CFAP20DC: variants seen among roughly 807,000 people sequenced by gnomAD.
CFAP20DC encodes CFAP20 domain containing, also known as protein CFAP20DC.
CFAP20DC carries 84 observed loss-of-function variants against 101.7 expected under a neutral mutation model. That is an observed-to-expected ratio of 0.83 (90% CI 0.69 to 0.99). CFAP20DC has a LOEUF of 0.99. Ranked by LOEUF, CFAP20DC falls within the 50% of genes least tolerant of loss-of-function variation. The pLI is 0.00. For synonymous variants in CFAP20DC, 359 were observed against 351.2 expected (o/e 1.02, Z -0.25); for missense variants, 1,007 against 970.3 (o/e 1.04, Z -0.50).
intron 4 of CFAP20DC, among the ~76,000 whole-genome samples, chr3:58,952,237 T>G (rs1032734775): frequency 6.6e-6 from 1 of 152,182 alleles, no homozygotes; most frequent in Admixed American, 6.6e-5. Context: ...TGGTTTCAGT[T>G]ACTCAGGATC....
At chr3:58,746,886 T>C (rs2068242427) in intron 16 of CFAP20DC, among the ~76,000 whole-genome samples, 1 of 152,280 alleles carries the variant, frequency 6.6e-6, no homozygotes, top group South Asian at 2.1e-4. Flanking sequence ...ATTTTGCCAT[T>C]ATAATCCCTA....
At position 58,869,261 on chromosome 3, in the gene CFAP20DC, T is replaced by C; in HGVS notation, c.1015+67A>G. On this transcript the variant is annotated intron_variant, in intron 9 of 16. Transcript: ENST00000482387. This position sits in a 1 kb window ranked among gnomAD's most constrained non-coding sequence, Gnocchi z 4.3. ...CTAGACTTGAATATAACTGCTGATT[T>C]ATCTTAACAAGAACATTTCTCACTA... 7.7e-7 allele frequency: 1 copy of C among 1,291,794 alleles called. No homozygotes were observed. The highest frequency in any genetic ancestry group is 1.1e-6 in the Non-Finnish European group (1 of 936,362). The allele number at this position is 1,291,794 out of a possible 1,614,324, so 80.0% of individuals were successfully genotyped here.
chr3:58,757,377 C>T (rs1283665029), intron 15 of CFAP20DC, among the ~76,000 whole-genome samples: 1 of 151,794 alleles, frequency 6.6e-6, no homozygotes, highest in Non-Finnish European at 1.5e-5. Context: ...TACATACATA[C>T]ACACACACAC....
chr3:59,038,501 T>C (rs1035676667), intron 4 of CFAP20DC, among the ~76,000 whole-genome samples: 4 of 152,222 alleles, frequency 2.6e-5, no homozygotes, highest in African/African-American at 9.6e-5. Flanking sequence ...TTGCAGATAT[T>C]ATGTTTGTTA....
At chr3:58,956,911 G>A (rs951003789) in intron 4 of CFAP20DC, among the ~76,000 whole-genome samples, 5 of 152,224 alleles carry the variant, frequency 3.3e-5, no homozygotes, top group South Asian at 2.1e-4. Context: ...TCACTATCAC[G>A]AGAATATGAT....
Position 58,882,604 on chromosome 3 carries a change from G to C in CFAP20DC, c.715+1941C>G, listed in dbSNP as rs2081306609. Among the ~76,000 whole-genome samples, 1 of 152,070 alleles carries C rather than the reference G, an allele frequency of 6.6e-6. No homozygotes were observed. The highest frequency in any genetic ancestry group is 2.4e-5 in the African/African-American group (1 of 41,408). ...TATTCTGTGGTACATCTTCCATTCA[G>C]ATTGAATTGTGACCCAAAGTGTTTA... On this transcript the variant is annotated intron_variant, in intron 7 of 16. Transcript: ENST00000482387. The surrounding 1 kb of genome is among the most constrained non-coding windows in gnomAD (Gnocchi z 4.2).
At chr3:58,794,594 T>A (rs2073100655) in intron 15 of CFAP20DC, among the ~76,000 whole-genome samples, 1 of 152,162 alleles carries the variant, frequency 6.6e-6, no homozygotes, top group African/African-American at 2.4e-5. Context: ...CAAAATGTAA[T>A]GTTTTTCATT....
In CFAP20DC at chr3:58,892,817, T is replaced by C. The variant is rs2082357750; in HGVS notation, c.551-8108A>G. On this transcript the variant is annotated intron_variant, in intron 6 of 16. Coordinates refer to ENST00000482387, the MANE Select transcript of CFAP20DC (RefSeq NM_001394063.1). The surrounding 1 kb of genome is among the most constrained non-coding windows in gnomAD (Gnocchi z 4.0). ...TTCCTCTCTTCCTATTTGAATACTC[T>C]TTATTTTTTTCTCTTGCCTGATTGT... Among the ~76,000 whole-genome samples, 1 of 152,184 alleles carries C rather than the reference T, an allele frequency of 6.6e-6. No homozygotes were observed. Among genetic ancestry groups the C allele is most frequent in the Non-Finnish European group, 1.5e-5 (1 of 68,022 alleles).
chr3:58,748,501 C>T (rs1383449737), intron 16 of CFAP20DC, among the ~76,000 whole-genome samples: 1 of 152,072 alleles, frequency 6.6e-6, no homozygotes, highest in Non-Finnish European at 1.5e-5. Context: ...ACTGATTTCC[C>T]CCGTCTGTAA....
chr3:58,797,265 C>T (rs1408648029), intron 15 of CFAP20DC, among the ~76,000 whole-genome samples: 5 of 152,062 alleles, frequency 3.3e-5, no homozygotes, highest in Admixed American at 1.3e-4. Flanking sequence ...GAAAAGTTCT[C>T]GAAGGAAATT....
chr3:59,027,678 T>C (rs2093917438), intron 4 of CFAP20DC, among the ~76,000 whole-genome samples: 1 of 152,200 alleles, frequency 6.6e-6, no homozygotes, highest in Non-Finnish European at 1.5e-5. Context: ...TTTAGTGTGA[T>C]TGGCAGCATC....
intron 3 of CFAP20DC, among the ~76,000 whole-genome samples, chr3:58,731,052 T>G (rs1227129588): frequency 6.6e-6 from 1 of 152,214 alleles, no homozygotes; most frequent in Non-Finnish European, 1.5e-5. Context: ...AAAAGCCTTG[T>G]CATATCCTGT....
chr3:58,999,451 AGTCACATATCCAGC>A (rs2093242655), intron 4 of CFAP20DC, among the ~76,000 whole-genome samples: 1 of 152,194 alleles, frequency 6.6e-6, no homozygotes, highest in South Asian at 2.1e-4. Context: ...ATGTAACAAG[AGTCACATATCCAGC>A]CATGCTTGTT....
At chr3:58,754,560 A>C (rs2068795361) in intron 15 of CFAP20DC, among the ~76,000 whole-genome samples, 1 of 152,212 alleles carries the variant, frequency 6.6e-6, no homozygotes, top group African/African-American at 2.4e-5. Flanking sequence ...CACTAGTGGT[A>C]AGGAGCAGGC....
In CFAP20DC at chr3:58,941,327, CAAAAAAAAAAAAA is replaced by C. The variant is rs752324535; in HGVS notation, c.279-3578_279-3566del. Among the ~76,000 whole-genome samples the C allele has an allele frequency of 3.6e-4, 7 of 19,534 alleles. No individual in the cohort carries two copies. The East Asian group carries it at 1.0e-2, about 28-fold the overall frequency. The allele number at this position is 19,534 out of a possible 152,430, so 12.8% of individuals were successfully genotyped here. A position where few individuals can be genotyped will look rare whatever the true frequency, so the allele number is the denominator to read the frequency against. ...CTGGCGACAGAGCGAGACTCCGTCT[CAAAAAAAAAAAAA>C]AAAAAAAAAAAAAAAAGAAAATTTC... On this transcript the variant is annotated intron_variant, in intron 4 of 16. Transcript: ENST00000482387.
chr3:59,024,628 G>GA (rs1173735382), intron 4 of CFAP20DC, among the ~76,000 whole-genome samples: 26 of 151,028 alleles, frequency 1.7e-4, no homozygotes, highest in East Asian at 5.8e-4. Flanking sequence ...CAATTTATGA[G>GA]AAAAAAAAAT....
rs1393243368 is a variant in CFAP20DC, at chr3:58,753,868, A to G, written c.2238-5T>C. On this transcript the variant is annotated splice_polypyrimidine_tract_variant and splice_region_variant and intron_variant, in intron 15 of 16. Coordinates refer to ENST00000482387, the MANE Select transcript of CFAP20DC (RefSeq NM_001394063.1). ...CTCAACATATTTAACCAGTCCCTAAAAAGAAAACAAAGTGAATGAGCATGT... is the reference window on the plus strand; with the variant it reads ...CTCAACATATTTAACCAGTCCCTAAGAAGAAAACAAAGTGAATGAGCATGT... The G allele has an allele frequency of 1.3e-6, 2 of 1,581,934 alleles. No individual in the cohort carries two copies. The highest frequency in any genetic ancestry group is 1.1e-5 in the South Asian group (1 of 88,314).
In CFAP20DC at chr3:58,914,729, C is replaced by T. The variant is rs2084502736; in HGVS notation, c.394-865G>A. On this transcript the variant is annotated intron_variant, in intron 5 of 16. Coordinates refer to ENST00000482387, the MANE Select transcript of CFAP20DC (RefSeq NM_001394063.1). The surrounding 1 kb of genome is among the most constrained non-coding windows in gnomAD (Gnocchi z 4.9). ...TTTTTTAAAGACAAATCTTATATAT[C>T]TAGGAATGCTGATTTTAATATGGAG... 6.7e-6 allele frequency: 1 copy of T among 148,560 alleles called. No individual in the cohort carries two copies. 9.2% of individuals were successfully genotyped at this position (148,560 alleles called of 1,614,324 possible).
intron 4 of CFAP20DC, among the ~76,000 whole-genome samples, chr3:58,943,802 A>T (rs2088965668): frequency 6.6e-6 from 1 of 152,200 alleles, no homozygotes; most frequent in African/African-American, 2.4e-5. Flanking sequence ...GTTTTAACCC[A>T]ATGCAAGGTA....
Sources: gnomAD v4.1 joint callset for allele counts (sites outside exome capture counted in the v4.1 genomes callset) on GRCh38, gnomAD v4.1.1 for gene constraint, Gnocchi (gnomAD v3.1) non-coding constraint, MANE v1.5 for transcripts, NCBI Gene and HGNC (gene_info 2026-07-23, HGNC 2026-07-21) for gene names.